ALK: variants seen among roughly 807,000 people sequenced by gnomAD.
The protein encoded by ALK is ALK tyrosine kinase receptor.
Under a neutral mutation model 163.1 loss-of-function variants are expected in ALK, and 74 were observed. That is an observed-to-expected ratio of 0.45 (90% CI 0.38 to 0.55). The LOEUF (loss-of-function observed/expected upper bound fraction) is 0.55, where lower values mean the gene tolerates loss of function less well. ALK is among the 20% of genes least tolerant of loss of function. The pLI, the probability that ALK is intolerant of heterozygous loss-of-function variation, is 0.00. For missense variants in ALK, 2,063 were observed against 2,105.3 expected, an observed-to-expected ratio of 0.98 and a Z score of 0.39; for synonymous variants, 960 against 843.2, an observed-to-expected ratio of 1.14 and a Z score of -2.40.
At chr2:29,594,922 G>T (rs1004259802) in intron 3 of ALK, among the ~76,000 whole-genome samples, 1 of 147,738 alleles carries the variant, frequency 6.8e-6, no homozygotes, top group African/African-American at 2.5e-5. Flanking sequence ...GGGCAAAGAA[G>T]GTTGAAATAA....
At chr2:29,510,016 G>A (rs1054209870) in intron 4 of ALK, among the ~76,000 whole-genome samples, 6 of 152,194 alleles carry the variant, frequency 3.9e-5, no homozygotes, top group Admixed American at 3.3e-4. Flanking sequence ...TGGGATCATG[G>A]GTGTAAAGGA....
chr2:29,490,280 C>T (rs559839034), intron 4 of ALK, among the ~76,000 whole-genome samples: 20 of 152,324 alleles, frequency 1.3e-4, no homozygotes, highest in African/African-American at 3.6e-4. Flanking sequence ...TAACACTCAG[C>T]GTGGCCTGGC....
chr2:29,216,705 T>C (rs1005609689), intron 23 of ALK, among the ~76,000 whole-genome samples: 1 of 151,450 alleles, frequency 6.6e-6, no homozygotes, highest in Non-Finnish European at 1.5e-5. Flanking sequence ...ATGGTGTGTG[T>C]GGTGGATGTC....
chr2:29,646,843 T>G (rs1328681033), intron 3 of ALK, among the ~76,000 whole-genome samples: 1 of 152,316 alleles, frequency 6.6e-6, no homozygotes, highest in East Asian at 1.9e-4. Flanking sequence ...TTGTCCTTTA[T>G]AGCACTTATT....
rs574903701 is a variant in ALK at position 29,821,283 on chromosome 2, G to C, written c.667+98710C>G. 3.2e-4 allele frequency among the ~76,000 whole-genome samples: 49 copies of C among 152,152 alleles called. 1 individual carries two copies. Among genetic ancestry groups the C allele is most frequent in the African/African-American group, 1.1e-3 (47 of 41,506 alleles). On this transcript the variant is annotated intron_variant, in intron 1 of 28. Transcript: ENST00000389048. ...AGTTTCTAGGGAGGTGGCCCTCTGA[G>C]TCACTAGGGGGAGACTGCTTCTCTC...
intron 3 of ALK, among the ~76,000 whole-genome samples, chr2:29,662,251 C>G (rs190322057): frequency 6.6e-6 from 1 of 152,162 alleles, no homozygotes; most frequent in Non-Finnish European, 1.5e-5. Flanking sequence ...AAAAGTTGAC[C>G]GGGGCCAGCC....
chr2:29,392,420 G>A (rs1346769983), intron 4 of ALK, among the ~76,000 whole-genome samples: 1 of 152,166 alleles, frequency 6.6e-6, no homozygotes, highest in African/African-American at 2.4e-5. Context: ...AGAGCTTTTG[G>A]TGGGTCAGAG....
intron 3 of ALK, among the ~76,000 whole-genome samples, chr2:29,686,837 C>T (rs1176907628): frequency 2.6e-5 from 4 of 152,196 alleles, no homozygotes; most frequent in Non-Finnish European, 4.4e-5. Flanking sequence ...ATTAAGGCAA[C>T]CCTTCTCAGG....
chr2:29,482,051 G>A (rs538926404), intron 4 of ALK, among the ~76,000 whole-genome samples: 2 of 152,306 alleles, frequency 1.3e-5, no homozygotes, highest in Admixed American at 1.3e-4. Flanking sequence ...TGTGACCACA[G>A]ATCTCAAATG....
rs1021798796 is a variant in ALK, at chr2:29,678,098, T to C, written c.952+16752A>G. On this transcript the variant is annotated intron_variant, in intron 3 of 28. Transcript: ENST00000389048. ...AAGGTGTCATATATTGGCAAAAGGA[T>C]GTTTAGTTTCCCTTACAATCTTTTA... Among the ~76,000 whole-genome samples the C allele has an allele frequency of 3.3e-5, 5 of 152,048 alleles. No individual in the cohort carries two copies. The East Asian group carries it at 9.6e-4, about 29-fold the overall frequency.
chr2:29,807,009 C>T (rs12105526), intron 1 of ALK, among the ~76,000 whole-genome samples: 13,055 of 152,242 alleles, frequency 0.086, 624 homozygotes, highest in Non-Finnish European at 0.11. Context: ...TTAGACAACC[C>T]GACCACCTAA....
At chr2:29,813,554 T>G (rs941959068) in intron 1 of ALK, among the ~76,000 whole-genome samples, 1 of 152,180 alleles carries the variant, frequency 6.6e-6, no homozygotes, top group Non-Finnish European at 1.5e-5. Flanking sequence ...AAATTCATTA[T>G]TTATATTAAA....
intron 2 of ALK, among the ~76,000 whole-genome samples, chr2:29,707,391 TG>T (rs1231802291): frequency 6.6e-6 from 1 of 151,904 alleles, no homozygotes; most frequent in Non-Finnish European, 1.5e-5. Context: ...CCAGTCCAGT[TG>T]GGGGATGAAC....
At chr2:29,375,846 C>T (rs1339474444) in intron 5 of ALK, among the ~76,000 whole-genome samples, 1 of 152,132 alleles carries the variant, frequency 6.6e-6, no homozygotes, top group East Asian at 1.9e-4. Flanking sequence ...GAATGGAACA[C>T]CTATTCAGTA....
At chr2:29,534,835 C>T (rs1304482352) in intron 3 of ALK, among the ~76,000 whole-genome samples, 1 of 152,064 alleles carries the variant, frequency 6.6e-6, no homozygotes, top group African/African-American at 2.4e-5. Flanking sequence ...AATAATGGAA[C>T]CCTTTCAAAG....
intron 2 of ALK, among the ~76,000 whole-genome samples, chr2:29,702,608 C>T (rs1678777167): frequency 6.6e-6 from 1 of 152,182 alleles, no homozygotes; most frequent in Non-Finnish European, 1.5e-5. Flanking sequence ...TGTTCTCATG[C>T]TGCTAATAAA....
intron 20 of ALK, among the ~76,000 whole-genome samples, chr2:29,222,974 T>C (rs1044014376): frequency 8.5e-5 from 13 of 152,180 alleles, no homozygotes; most frequent in African/African-American, 3.1e-4. Context: ...GGGTACTGGC[T>C]GGGGAGTATT....
intron 4 of ALK, among the ~76,000 whole-genome samples, chr2:29,498,350 C>G (rs1672084048): frequency 6.8e-6 from 1 of 147,734 alleles, no homozygotes; most frequent in South Asian, 2.2e-4. Context: ...AAAAATGAAA[C>G]AATAAAATTT....
At chr2:29,623,324 A>G (rs755728484) in intron 3 of ALK, among the ~76,000 whole-genome samples, 3 of 152,246 alleles carry the variant, frequency 2.0e-5, no homozygotes, top group Non-Finnish European at 4.4e-5. Context: ...ATAATAGAGA[A>G]ACAGTTAAAT....
Sources: gnomAD v4.1 joint callset for allele counts (sites outside exome capture counted in the v4.1 genomes callset) on GRCh38, gnomAD v4.1.1 for gene constraint, MANE v1.5 for transcripts, NCBI Gene and HGNC (gene_info 2026-07-23, HGNC 2026-07-21) for gene names.